Variants in VPS16 observed in about 807,000 individuals in gnomAD.
VPS16 encodes vacuolar protein sorting-associated protein 16 homolog.
Under a neutral mutation model 116.0 loss-of-function variants are expected in VPS16, and 82 were observed. The observed-to-expected ratio is 0.71, with a 90% CI of 0.59 to 0.85. The LOEUF (loss-of-function observed/expected upper bound fraction) is 0.85. Ranked by LOEUF, VPS16 falls within the 40% of genes least tolerant of loss-of-function variation. VPS16 has a pLI of 0.00. For synonymous variants in VPS16, 406 were observed against 420.7 expected (o/e 0.96, Z 0.43); for missense variants, 928 against 1,090.6 (o/e 0.85, Z 2.10).
At chr20:2,861,771 T>C in intron 9 of VPS16, 34 bp from the exon 10 acceptor site, 1 of 1,612,778 alleles carries the variant, frequency 6.2e-7, no homozygotes, top group Non-Finnish European at 8.5e-7. Context: ...CCGTCCCATC[T>C]GTAGGTGCTC....
rs747468273 is a variant in VPS16 at position 2,860,433 on chromosome 20, G to A, written c.370-16G>A. The A allele has an allele frequency of 5.6e-6, 9 of 1,614,064 alleles. No individual in the cohort carries two copies. Among genetic ancestry groups the A allele is most frequent in the Non-Finnish European group, 7.6e-6 (9 of 1,179,992 alleles). On this transcript the variant is annotated splice_polypyrimidine_tract_variant and intron_variant, in intron 4 of 23. Coordinates refer to ENST00000380445, the MANE Select transcript of VPS16 (RefSeq NM_022575.4). This position sits in a 1 kb window ranked among gnomAD's most constrained non-coding sequence, Gnocchi z 6.1. The stretch of plus-strand genomic sequence containing the variant: ...TGACCCTGTGGCTCCCTTAACCCAT[G>A]GCCCCCTTTCCTCAGGAAGTGCTCC...
At chr20:2,856,733 C>G (rs6037425) in intron 1 of VPS16, among the ~76,000 whole-genome samples, 77,838 of 152,068 alleles carry the variant, frequency 0.51, 22,719 homozygotes, top group African/African-American at 0.79. Context: ...GTATCAATTT[C>G]CACCAATTTG....
intron 1 of VPS16, among the ~76,000 whole-genome samples, chr20:2,849,487 ACAGGTTTCTCCATGTTGG>A (rs2089095378): frequency 6.6e-6 from 1 of 152,020 alleles, no homozygotes; most frequent in Non-Finnish European, 1.5e-5. Flanking sequence ...TTTAGTAAAG[ACAGGTTTCTCCATGTTGG>A]CCAGGCTGGT....
At chr20:2,840,977 C>T in intron 1 of VPS16, 150 bp downstream of exon 1, 1 of 731,324 alleles carries the variant, frequency 1.4e-6, no homozygotes, top group South Asian at 1.9e-5. Context: ...AGCGCACAGC[C>T]GCCTTTGGGC....
chr20:2,841,695 A>G (rs2088976614), intron 1 of VPS16, among the ~76,000 whole-genome samples: 1 of 151,666 alleles, frequency 6.6e-6, no homozygotes, highest in Admixed American at 6.6e-5. Flanking sequence ...GGTATGGTCT[A>G]TTTGTATATT....
chr20:2,854,462 G>A (rs1314349037), intron 1 of VPS16, among the ~76,000 whole-genome samples: 4 of 151,574 alleles, frequency 2.6e-5, no homozygotes, highest in African/African-American at 7.3e-5. Context: ...CAAAAAAAAC[G>A]AGAGAGAGAA....
rs1329083373 is a variant in VPS16 at position 2,840,786 on chromosome 20, C to T, written c.12C>T (p.Tyr4=). ...CGTCTGCACCAGCCATGGACTGCTA[C>T]ACGGCGAACTGGAACCCACTCGGGG... The part of the protein sequence containing the change: MDC[Y]TANWNPLGDS... The change falls in exon 1 of 24, where the codon TAC becomes TAT. Residue 4 remains tyrosine, a synonymous_variant. Coordinates refer to ENST00000380445, the MANE Select transcript of VPS16 (RefSeq NM_022575.4). The T allele has an allele frequency of 1.5e-5, 23 of 1,548,420 alleles. No homozygotes were observed. The highest frequency in any genetic ancestry group is 6.9e-5 in the African/African-American group (5 of 72,964).
intron 1 of VPS16, among the ~76,000 whole-genome samples, chr20:2,846,631 G>C (rs936059120): frequency 2.0e-5 from 3 of 152,100 alleles, no homozygotes; most frequent in Non-Finnish European, 4.4e-5. Context: ...TAGGGCCTGG[G>C]ATTTGGGAAT....
chr20:2,860,790 A>G lies in VPS16; in HGVS notation c.557A>G (p.Asp186Gly), dbSNP rs2089219397. The G allele has an allele frequency of 6.8e-6, 11 of 1,614,050 alleles. No homozygotes were observed. The highest frequency in any genetic ancestry group is 9.3e-6 in the Non-Finnish European group (11 of 1,180,036). Residue 186 changes from aspartate (D) to glycine (G), a missense_variant, in exon 6 of 24, where the codon GAC becomes GGC. Coordinates refer to ENST00000380445, the MANE Select transcript of VPS16 (RefSeq NM_022575.4). The surrounding 1 kb of genome is among the most constrained non-coding windows in gnomAD (Gnocchi z 6.1). ...TCCTGCTGGACTGTGCTGTGCCAGG[A>G]CCGAGTGGCACACATTCTTCTGGCT... ...APSCWTVLCQ[D>G]RVAHILLAVG...
In VPS16 at chr20:2,856,218, C is replaced by T. The variant is rs578129121; in HGVS notation, c.54-3501C>T. Among the ~76,000 whole-genome samples, 316 of 152,154 alleles carry T rather than the reference C, an allele frequency of 2.1e-3. 3 individuals are homozygous for T. The highest frequency in any genetic ancestry group is 0.01 in the South Asian group (49 of 4,798). On this transcript the variant is annotated intron_variant, in intron 1 of 23. Coordinates refer to ENST00000380445, the MANE Select transcript of VPS16 (RefSeq NM_022575.4). ...GAAGAGAGAGAGAGAGAGAGACGAT[C>T]GGGGAACGGCTCGTTGGTGGAGCAG...
At position 2,864,141 on chromosome 20, in the gene VPS16, C is replaced by G; in HGVS notation, c.1612-38C>G. On this transcript the variant is annotated intron_variant, in intron 16 of 23. Coordinates refer to ENST00000380445, the MANE Select transcript of VPS16 (RefSeq NM_022575.4). The surrounding 1 kb of genome is among the most constrained non-coding windows in gnomAD (Gnocchi z 5.2). ...ATGTGGTTGTTCAGGGCCCCCATGC[C>G]AGCTCCTTCTCTCTGTGCCTTCCTT... is the stretch of plus-strand genomic sequence containing the variant. 1 of 1,613,972 alleles carries G rather than the reference C, an allele frequency of 6.2e-7. No homozygotes were observed. Among genetic ancestry groups the G allele is most frequent in the Non-Finnish European group, 8.5e-7 (1 of 1,179,810 alleles).
At chr20:2,856,641 T>G (rs2089174535) in intron 1 of VPS16, among the ~76,000 whole-genome samples, 1 of 152,242 alleles carries the variant, frequency 6.6e-6, no homozygotes, top group African/African-American at 2.4e-5. Flanking sequence ...CTTGAGCATT[T>G]TTCTGTATAT....
rs774078373 is a variant in VPS16 at position 2,866,460 on chromosome 20, C to G, written c.2406C>G (p.Ile802Met). ...GDVAQAADVA[I>M]EHRNEAELSL... The stretch of plus-strand genomic sequence containing the variant: ...TGGCTCAGGCTGCAGATGTGGCCAT[C>G]GAACACCGGAATGAGGCTGAGCTGA... Residue 802 changes from isoleucine to methionine, a missense_variant, in exon 24 of 24, where the codon ATC becomes ATG. Coordinates refer to ENST00000380445, the MANE Select transcript of VPS16 (RefSeq NM_022575.4). 1.1e-5 allele frequency: 18 copies of G among 1,614,026 alleles called. No individual in the cohort carries two copies. Among genetic ancestry groups the G allele is most frequent in the Middle Eastern group, 3.3e-4 (2 of 6,084 alleles).
At chr20:2,859,688 G>A in intron 1 of VPS16, 31 bp from the exon 2 acceptor site, 2 of 1,610,102 alleles carry the variant, frequency 1.2e-6, no homozygotes, top group Non-Finnish European at 1.7e-6. Context: ...AGGGTAATGA[G>A]GCTAATTTCT....
intron 1 of VPS16, among the ~76,000 whole-genome samples, chr20:2,850,787 G>C (rs547650644): frequency 1.1e-4 from 16 of 149,642 alleles, no homozygotes; most frequent in African/African-American, 3.4e-4. Flanking sequence ...GGGCAACATG[G>C]TGAAACCCCA....
intron 1 of VPS16, among the ~76,000 whole-genome samples, chr20:2,843,337 C>G (rs889172790): frequency 3.3e-5 from 5 of 151,990 alleles, no homozygotes; most frequent in African/African-American, 1.2e-4. Context: ...GAAGCTGAGG[C>G]AGGAGAATTG....
At position 2,855,657 on chromosome 20, in the gene VPS16, TA is replaced by T. The variant is rs897533252; in HGVS notation, c.54-4061del. Among the ~76,000 whole-genome samples, 128 of 152,378 alleles carry T rather than the reference TA, an allele frequency of 8.4e-4. 1 individual carries two copies. Among genetic ancestry groups the T allele is most frequent in the African/African-American group, 2.7e-3 (111 of 41,598 alleles). On this transcript the variant is annotated intron_variant, in intron 1 of 23. Coordinates refer to ENST00000380445, the MANE Select transcript of VPS16 (RefSeq NM_022575.4). Reference sequence around the variant, plus strand: ...AACCACCTTTGTCAATGATCTTCGCTAGATCTTCTGGATAACTTGCTGCAGC... The same window carrying T: ...AACCACCTTTGTCAATGATCTTCGCTGATCTTCTGGATAACTTGCTGCAGC...
Position 2,860,254 on chromosome 20 carries a change from G to T in VPS16, c.256G>T (p.Val86Leu). ...TCCCCTGCAGTGGAAGAGTGGACCCGTGGTGTCCCTGGGCTGGTCAGCTGA... is the reference window on the plus strand; with the variant it reads ...TCCCCTGCAGTGGAAGAGTGGACCCTTGGTGTCCCTGGGCTGGTCAGCTGA... ...LASLLWKSGPVVSLGWSAEEE... is the reference protein window; with the variant it reads ...LASLLWKSGPLVSLGWSAEEE... Residue 86 changes from valine (V) to leucine (L), a missense_variant, in exon 4 of 24, where the codon GTG (valine) becomes TTG (leucine). By Grantham distance (32) the Val-to-Leu change is conservative (BLOSUM62 1). Transcript: ENST00000380445. This position sits in a 1 kb window ranked among gnomAD's most constrained non-coding sequence, Gnocchi z 6.1. 1 of 1,614,122 alleles carries T rather than the reference G, an allele frequency of 6.2e-7. No homozygotes were observed. The highest frequency in any genetic ancestry group is 8.5e-7 in the Non-Finnish European group (1 of 1,180,030).
intron 1 of VPS16, among the ~76,000 whole-genome samples, chr20:2,847,109 T>C (rs1354638565): frequency 6.6e-6 from 1 of 152,190 alleles, no homozygotes; most frequent in Non-Finnish European, 1.5e-5. Context: ...CTCACTGTCC[T>C]CTAGAAGCCC....
Sources: gnomAD v4.1 joint callset for allele counts (sites outside exome capture counted in the v4.1 genomes callset) on GRCh38, gnomAD v4.1.1 for gene constraint, Gnocchi (gnomAD v3.1) non-coding constraint, MANE v1.5 for transcripts, NCBI Gene and HGNC (gene_info 2026-07-23, HGNC 2026-07-21) for gene names.